Variants in MYO5C observed in about 807,000 individuals in gnomAD.
MYO5C encodes the protein unconventional myosin-Vc.
MYO5C carries 194 observed loss-of-function variants against 235.7 expected under a neutral mutation model. That is an observed-to-expected ratio of 0.82 (90% confidence interval 0.73 to 0.93). The LOEUF is 0.93. MYO5C is among the 40% of genes least tolerant of loss of function. MYO5C has a pLI of 0.00. For synonymous variants in MYO5C, 707 were observed against 754.8 expected (o/e 0.94, Z 1.04); for missense variants, 2,038 against 2,127.2 (o/e 0.96, Z 0.82).
chr15:52,256,151 C>T (rs557770671), intron 11 of MYO5C, among the ~76,000 whole-genome samples: 93 of 152,274 alleles, frequency 6.1e-4, no homozygotes, highest in Admixed American at 2.3e-3. Context: ...TTCCATGTGA[C>T]AGGCCTGCGA....
intron 36 of MYO5C, among the ~76,000 whole-genome samples, chr15:52,207,072 G>A (rs1030846860): frequency 6.6e-6 from 1 of 151,946 alleles, no homozygotes; most frequent in African/African-American, 2.4e-5. Flanking sequence ...AGCAAAGGTT[G>A]CAGTGAGCCA....
chr15:52,214,570 C>A, intron 33 of MYO5C, 33 bp downstream of exon 33: 1 of 1,478,570 alleles, frequency 6.8e-7, no homozygotes, highest in South Asian at 1.2e-5. Flanking sequence ...AGCCTTAGCT[C>A]AAAAGAATAA....
intron 2 of MYO5C, among the ~76,000 whole-genome samples, chr15:52,280,010 C>A (rs1230258347): frequency 6.6e-6 from 1 of 152,174 alleles, no homozygotes. Context: ...GGGCAGAGAT[C>A]CAGGTGCCCC....
chr15:52,284,735 C>T (rs1279494740), intron 1 of MYO5C, among the ~76,000 whole-genome samples: 1 of 151,958 alleles, frequency 6.6e-6, no homozygotes, highest in African/African-American at 2.4e-5. Flanking sequence ...GATAGAAGGA[C>T]AGAAAGATGG....
At position 52,282,890 on chromosome 15, in the gene MYO5C, G is replaced by A. The variant is rs1331153502; in HGVS notation, c.30C>T (p.Tyr10=). 1.2e-5 allele frequency: 20 copies of A among 1,603,030 alleles called. No homozygotes were observed. The highest frequency in any genetic ancestry group is 1.7e-5 in the Non-Finnish European group (20 of 1,170,040). Residue 10 remains tyrosine, a splice_region_variant and synonymous_variant, in exon 2 of 41, where the codon TAC becomes TAT. Transcript: ENST00000261839. ...CAGGATCGGGAATCCAGACCCTGTT[G>A]TACTGACCAACAGGATGAGAAAAGC... The part of the protein sequence containing the change: MAVAELYTQ[Y]NRVWIPDPEE...
intron 1 of MYO5C, among the ~76,000 whole-genome samples, chr15:52,295,002 G>C (rs2037468378): frequency 6.6e-6 from 1 of 152,190 alleles, no homozygotes; most frequent in Non-Finnish European, 1.5e-5. Context: ...GTGCCCTCAA[G>C]CCTGTGACCC....
At chr15:52,215,222 G>A (rs1265114977) in intron 32 of MYO5C, among the ~76,000 whole-genome samples, 1 of 152,144 alleles carries the variant, frequency 6.6e-6, no homozygotes, top group African/African-American at 2.4e-5. Flanking sequence ...GTGGGAAAAT[G>A]GGCTTTCTAG....
chr15:52,248,609 C>T (rs1425336855), intron 14 of MYO5C, 91 bp downstream of exon 14: 3 of 874,410 alleles, frequency 3.4e-6, no homozygotes, highest in South Asian at 3.1e-5. Flanking sequence ...CACACACACT[C>T]TCTCTCTCTC....
intron 17 of MYO5C, 77 bp downstream of exon 17, chr15:52,245,879 G>T: frequency 2.2e-6 from 3 of 1,338,596 alleles, no homozygotes; most frequent in South Asian, 1.2e-5. Flanking sequence ...CAAAAATCAT[G>T]GCAGCCATGT....
intron 1 of MYO5C, 21 bp downstream of exon 1, chr15:52,295,589 G>A (rs760380643): frequency 4.7e-6 from 7 of 1,500,094 alleles, no homozygotes; most frequent in Admixed American, 4.5e-5. Flanking sequence ...GCGCTCCCAG[G>A]AGCCCAGCGG....
intron 7 of MYO5C, 101 bp downstream of exon 7, chr15:52,271,662 G>T: frequency 1.6e-6 from 1 of 637,904 alleles, no homozygotes; most frequent in Non-Finnish European, 2.5e-6. Flanking sequence ...GTATCTTTGG[G>T]CAAATACTTA....
rs748372276 is a variant in MYO5C, at chr15:52,282,888, T to C, written c.32A>G (p.Asn11Ser). 8 of 1,604,996 alleles carry C rather than the reference T, an allele frequency of 5.0e-6. No individual in the cohort carries two copies. Among genetic ancestry groups the C allele is most frequent in the South Asian group, 1.1e-5 (1 of 90,922 alleles). Residue 11 changes from asparagine to serine, a missense_variant, in exon 2 of 41, where the codon AAC (asparagine) becomes AGC (serine). Physicochemically the swap from Asn to Ser is conservative, Grantham distance 46. Transcript: ENST00000261839. The stretch of plus-strand genomic sequence containing the variant: ...TTCAGGATCGGGAATCCAGACCCTG[T>C]TGTACTGACCAACAGGATGAGAAAA... MAVAELYTQYNRVWIPDPEEV... is the reference protein window; with the variant it reads MAVAELYTQYSRVWIPDPEEV...
intron 38 of MYO5C, among the ~76,000 whole-genome samples, chr15:52,203,448 C>A (rs765351708): frequency 1.3e-5 from 2 of 152,138 alleles, no homozygotes; most frequent in Non-Finnish European, 2.9e-5. Flanking sequence ...CGGGTTCAAG[C>A]GATTCTCCTG....
chr15:52,257,568 C>T (rs1247415100), intron 10 of MYO5C, among the ~76,000 whole-genome samples: 2 of 152,224 alleles, frequency 1.3e-5, no homozygotes, highest in African/African-American at 4.8e-5. Flanking sequence ...ACCACCTGGC[C>T]AGATGAGCTC....
At chr15:52,258,119 T>C (rs928191449) in intron 10 of MYO5C, among the ~76,000 whole-genome samples, 4 of 152,122 alleles carry the variant, frequency 2.6e-5, no homozygotes, top group Non-Finnish European at 4.4e-5. Flanking sequence ...CCTGGCAAAA[T>C]GTCAAACATC....
chr15:52,248,677 G>A, intron 14 of MYO5C, 23 bp downstream of exon 14: 2 of 1,550,906 alleles, frequency 1.3e-6, no homozygotes, highest in Non-Finnish European at 1.8e-6. Flanking sequence ...AATAACTTTA[G>A]TTACCCCTAG....
intron 19 of MYO5C, chr15:52,242,477 G>A (rs893813215): frequency 7.1e-6 from 3 of 420,882 alleles, no homozygotes; most frequent in African/African-American, 5.9e-5. Flanking sequence ...CAGAGACGAT[G>A]ATGAGACTGT....
intron 38 of MYO5C, among the ~76,000 whole-genome samples, chr15:52,199,403 A>AG (rs962100614): frequency 1.8e-4 from 28 of 152,234 alleles, no homozygotes; most frequent in Middle Eastern, 3.2e-3. Flanking sequence ...GCAGCTATAA[A>AG]GCCTGAATGG....
rs144987666 is a variant in MYO5C at position 52,197,331 on chromosome 15, T to G, written c.4821-848A>C. On this transcript the variant is annotated intron_variant, in intron 38 of 40. Transcript: ENST00000261839. The stretch of plus-strand genomic sequence containing the variant: ...ATAAAAAGGAATGAGGTGCTGATAT[T>G]TGCTACATGGATGAACCTCCCAAAC... 6.0e-4 allele frequency among the ~76,000 whole-genome samples: 92 copies of G among 152,332 alleles called. No homozygotes were observed. In the East Asian group the frequency reaches 0.017, roughly 27 times the overall value.
Sources: allele counts gnomAD v4.1 joint callset (sites outside exome capture counted in the v4.1 genomes callset), GRCh38; gene constraint gnomAD v4.1.1; transcripts MANE v1.5; gene names NCBI Gene and HGNC (gene_info 2026-07-23, HGNC 2026-07-21).